The following PEBP4 variants were observed in gnomAD, a reference collection of about 807,000 sequenced individuals.
PEBP4 encodes phosphatidylethanolamine binding protein 4.
PEBP4 carries 22 observed loss-of-function variants against 23.9 expected under a neutral mutation model. The observed-to-expected ratio is 0.92, with a 90% CI of 0.66 to 1.31. The LOEUF (loss-of-function observed/expected upper bound fraction) is 1.31, where lower values mean the gene tolerates loss of function less well. PEBP4 is among the 40% of genes most tolerant of loss of function. The pLI, the probability that PEBP4 is intolerant of heterozygous loss-of-function variation, is 0.00. For missense variants in PEBP4, 324 were observed against 281.7 expected (o/e 1.15, Z -1.07); for synonymous variants, 112 against 99.3 (o/e 1.13, Z -0.76).
chr8:22,907,692 G>A lies in PEBP4; in HGVS notation c.258+12492C>T, dbSNP rs543381327. Reference sequence around the variant, plus strand: ...GCTCTCACTCTGGTGAAATGGGGAGGAATTGAAGGATTTTGAGCAGAGGCT... The same window carrying A: ...GCTCTCACTCTGGTGAAATGGGGAGAAATTGAAGGATTTTGAGCAGAGGCT... On this transcript the variant is annotated intron_variant, in intron 3 of 6. Transcript: ENST00000256404. Among the ~76,000 whole-genome samples the A allele has an allele frequency of 5.0e-4, 76 of 152,278 alleles. 2 individuals carry two copies. The South Asian group carries it at 0.015, about 30-fold the overall frequency.
intron 3 of PEBP4, among the ~76,000 whole-genome samples, chr8:22,861,188 C>T (rs531898072): frequency 3.3e-5 from 5 of 152,322 alleles, no homozygotes. Context: ...TCCAAGCCTT[C>T]ACCAGTGGAG....
intron 1 of PEBP4, among the ~76,000 whole-genome samples, chr8:22,937,553 AT>A (rs36062438): frequency 4.6e-5 from 7 of 151,314 alleles, no homozygotes; most frequent in East Asian, 3.9e-4. Flanking sequence ...GAAAATGTCA[AT>A]TTTTTTTTAC....
chr8:22,719,887 G>A (rs1400104049), intron 6 of PEBP4, among the ~76,000 whole-genome samples: 1 of 152,250 alleles, frequency 6.6e-6, no homozygotes, highest in African/African-American at 2.4e-5. Flanking sequence ...TGCAGAGACT[G>A]TCACTTGTGG....
chr8:22,806,759 C>T (rs1227279220), intron 4 of PEBP4, among the ~76,000 whole-genome samples: 1 of 152,184 alleles, frequency 6.6e-6, no homozygotes, highest in African/African-American at 2.4e-5. Flanking sequence ...CACAAACTCC[C>T]ACCTACCACA....
chr8:22,861,381 T>C (rs1487713421), intron 3 of PEBP4, among the ~76,000 whole-genome samples: 1 of 152,228 alleles, frequency 6.6e-6, no homozygotes, highest in Non-Finnish European at 1.5e-5. Context: ...GCCTAAGAGA[T>C]AGGTTTTTAG....
intron 3 of PEBP4, among the ~76,000 whole-genome samples, chr8:22,891,520 G>T (rs1045597597): frequency 6.6e-6 from 1 of 152,160 alleles, no homozygotes; most frequent in Non-Finnish European, 1.5e-5. Flanking sequence ...CTGGGTGTGG[G>T]GATGACAATA....
At chr8:22,831,479 G>T (rs992975672) in intron 3 of PEBP4, among the ~76,000 whole-genome samples, 3 of 152,138 alleles carry the variant, frequency 2.0e-5, no homozygotes, top group Non-Finnish European at 4.4e-5. Flanking sequence ...TAGTCCCATT[G>T]TTCATTCATT....
intron 2 of PEBP4, chr8:22,925,471 C>A (rs947312916): frequency 2.5e-6 from 1 of 395,612 alleles, no homozygotes; most frequent in Non-Finnish European, 3.4e-6. Flanking sequence ...GGGGATTCTT[C>A]ATCTGCAGAA....
chr8:22,935,295 T>G (rs1421608010), intron 1 of PEBP4, among the ~76,000 whole-genome samples: 1 of 151,876 alleles, frequency 6.6e-6, no homozygotes, highest in African/African-American at 2.4e-5. Context: ...CCGAGGTGGG[T>G]GGATCACTTG....
At chr8:22,917,013 C>T (rs574206378) in intron 3 of PEBP4, among the ~76,000 whole-genome samples, 69 of 151,728 alleles carry the variant, frequency 4.5e-4, no homozygotes, top group African/African-American at 1.6e-3. Flanking sequence ...TCCAAAGACG[C>T]CAAGGATGGG....
chr8:22,795,556 C>T (rs1563218737), intron 4 of PEBP4, among the ~76,000 whole-genome samples: 2 of 152,160 alleles, frequency 1.3e-5, no homozygotes, highest in African/African-American at 2.4e-5. Context: ...AACATTTTCT[C>T]AAATATTCTT....
chr8:22,907,780 C>T (rs1038809895), intron 3 of PEBP4, among the ~76,000 whole-genome samples: 6 of 152,026 alleles, frequency 3.9e-5, no homozygotes, highest in South Asian at 2.1e-4. Context: ...GTATGCTGGG[C>T]GTTGAGGCAG....
At chr8:22,901,735 T>C (rs17088731) in intron 3 of PEBP4, among the ~76,000 whole-genome samples, 1,927 of 152,332 alleles carry the variant, frequency 0.013, 24 homozygotes, top group African/African-American at 0.043. Context: ...TCAGTAACTC[T>C]GGCCACTGTT....
Position 22,727,215 on chromosome 8 carries a change from G to C in PEBP4, c.363C>G (p.Ala121=). Reference sequence around the variant, plus strand: ...CCTGAATCTTCCCTTTCTTCAGGTCGGCGCCCTGAAAGAAGAGACAAGCAG... The same window carrying C: ...CCTGAATCTTCCCTTTCTTCAGGTCCGCGCCCTGAAAGAAGAGACAAGCAG... The part of the protein sequence containing the change: ...RHWLVTDIKG[A]DLKKGKIQGQ... Residue 121 remains alanine (A), a synonymous_variant, in exon 5 of 7, where the codon GCC becomes GCG. Coordinates refer to ENST00000256404, the MANE Select transcript of PEBP4 (RefSeq NM_144962.3). The C allele has an allele frequency of 6.2e-7, 1 of 1,613,748 alleles. No homozygotes were observed.
chr8:22,820,239 G>A (rs960249956), intron 3 of PEBP4, among the ~76,000 whole-genome samples: 2 of 152,206 alleles, frequency 1.3e-5, no homozygotes, highest in African/African-American at 4.8e-5. Context: ...GTGTGAGATA[G>A]TCATTTAAGA....
intron 2 of PEBP4, among the ~76,000 whole-genome samples, chr8:22,927,212 G>A (rs1474416014): frequency 6.6e-6 from 1 of 152,098 alleles, no homozygotes; most frequent in Non-Finnish European, 1.5e-5. Context: ...CCTCTTTGTT[G>A]GGGTTCTGGG....
chr8:22,863,194 G>A (rs1341075413), intron 3 of PEBP4, among the ~76,000 whole-genome samples: 2 of 152,124 alleles, frequency 1.3e-5, no homozygotes, highest in Non-Finnish European at 2.9e-5. Flanking sequence ...ATAACAGCAT[G>A]GAGAATGAGA....
At chr8:22,890,009 CACCAGATGTT>C (rs1808460531) in intron 3 of PEBP4, among the ~76,000 whole-genome samples, 1 of 152,182 alleles carries the variant, frequency 6.6e-6, no homozygotes, top group South Asian at 2.1e-4. Context: ...CGCTGAGCAC[CACCAGATGTT>C]ACCTGGAAGA....
At chr8:22,795,602 C>T (rs1392576605) in intron 4 of PEBP4, among the ~76,000 whole-genome samples, 1 of 152,200 alleles carries the variant, frequency 6.6e-6, no homozygotes, top group Non-Finnish European at 1.5e-5. Flanking sequence ...ACTTTAGAAT[C>T]ACCTTAAGGT....
Sources: gnomAD v4.1 joint callset for allele counts (sites outside exome capture counted in the v4.1 genomes callset) on GRCh38, gnomAD v4.1.1 for gene constraint, MANE v1.5 for transcripts, NCBI Gene and HGNC (gene_info 2026-07-23, HGNC 2026-07-21) for gene names.